TMEM87B: variants seen among roughly 807,000 people sequenced by gnomAD.
TMEM87B encodes transmembrane protein 87B.
Under a neutral mutation model 80.3 loss-of-function variants are expected in TMEM87B, and 83 were observed. That is an observed-to-expected ratio of 1.03 (90% CI 0.87 to 1.24). TMEM87B has a LOEUF of 1.24. TMEM87B is among the 50% of genes most tolerant of loss of function. The pLI is 0.00. For synonymous variants in TMEM87B, 219 were observed against 230.5 expected (o/e 0.95, Z 0.45); for missense variants, 625 against 674.4 (o/e 0.93, Z 0.81).
In TMEM87B at chr2:112,079,926, C is replaced by CTTTT. The variant is rs61341379; in HGVS notation, c.593-1113_593-1110dup. On this transcript the variant is annotated intron_variant, in intron 6 of 18. Transcript: ENST00000283206. ...TTTGAGAAACATCTAGGTCCCTTGC[C>CTTTT]TTTTTTTTTTTTTTTTTTTTTGAGA... Among the ~76,000 whole-genome samples, 389 of 84,002 alleles carry CTTTT rather than the reference C, an allele frequency of 4.6e-3. 12 individuals carry two copies. Among genetic ancestry groups the CTTTT allele is most frequent in the East Asian group, 0.022 (53 of 2,438 alleles). The allele number at this position is 84,002 out of a possible 152,430, so 55.1% of individuals were successfully genotyped here.
Position 112,066,951 on chromosome 2 carries a change from C to T in TMEM87B, c.334C>T (p.His112Tyr). Reference protein sequence around the residue: ...HSNLEELFQKHKLSVDEDFCH... With the variant: ...HSNLEELFQKYKLSVDEDFCH... ...CCTTATATAGGAGCTGTTCCAAAAA[C>T]ATAAACTTAGTGTTGATGAAGACTT... The change falls in exon 4 of 19, where the codon CAT becomes TAT. Residue 112 changes from histidine (H) to tyrosine (Y), a missense_variant. Coordinates refer to ENST00000283206, the MANE Select transcript of TMEM87B (RefSeq NM_032824.3). 2.5e-6 allele frequency: 4 copies of T among 1,604,406 alleles called. No individual in the cohort carries two copies. The highest frequency in any genetic ancestry group is 2.5e-6 in the Non-Finnish European group (3 of 1,176,984).
chr2:112,069,034 T>C (rs1335913121), intron 4 of TMEM87B, among the ~76,000 whole-genome samples: 1 of 149,618 alleles, frequency 6.7e-6, no homozygotes, highest in Non-Finnish European at 1.5e-5. Flanking sequence ...CTACTAAAAA[T>C]ACAAAAAATT....
chr2:112,075,014 C>T, intron 5 of TMEM87B, 52 bp downstream of exon 5: 2 of 1,552,386 alleles, frequency 1.3e-6, no homozygotes, highest in Non-Finnish European at 1.7e-6. Context: ...TAACGTAAGA[C>T]TGAAAAAAGT....
At chr2:112,080,998 C>T in intron 6 of TMEM87B, 59 bp from the exon 7 acceptor site, 2 of 1,485,552 alleles carry the variant, frequency 1.3e-6, no homozygotes, top group East Asian at 2.3e-5. Context: ...GGGAAATGAA[C>T]TTACATTTAA....
At position 112,096,420 on chromosome 2, in the gene TMEM87B, C is replaced by G. The variant is rs1442437935; in HGVS notation, c.1105-624C>G. 2.6e-5 allele frequency among the ~76,000 whole-genome samples: 4 copies of G among 152,286 alleles called. No individual in the cohort carries two copies. The East Asian group carries it at 7.7e-4, about 29-fold the overall frequency. On this transcript the variant is annotated intron_variant, in intron 11 of 18. Coordinates refer to ENST00000283206, the MANE Select transcript of TMEM87B (RefSeq NM_032824.3). ...TGCTCTATAAAAGAAAAACCCTTTT[C>G]TGCCTGACCTCTGAGACTCTTGCAG...
intron 2 of TMEM87B, among the ~76,000 whole-genome samples, chr2:112,060,988 C>T (rs1678242276): frequency 6.6e-6 from 1 of 152,114 alleles, no homozygotes; most frequent in Non-Finnish European, 1.5e-5. Flanking sequence ...AGATAAATTG[C>T]TTTTACGAAT....
chr2:112,055,628 C>T lies in TMEM87B; in HGVS notation c.37C>T (p.Pro13Ser), dbSNP rs1462457870. 2 of 1,546,606 alleles carry T rather than the reference C, an allele frequency of 1.3e-6. No homozygotes were observed. Among genetic ancestry groups the T allele is most frequent in the Admixed American group, 1.9e-5 (1 of 51,554 alleles). The change falls in exon 1 of 19, where the codon CCA becomes TCA. Residue 13 changes from proline to serine, a missense_variant. Transcript: ENST00000283206. ...CTGCCGCTCGGTAGCCGGGCTCCTG[C>T]CACGCCGCCGCCGCTGCTTTCCCGC... Reference protein sequence around the residue: ...AACRSVAGLLPRRRRCFPARA... With the variant: ...AACRSVAGLLSRRRRCFPARA...
Position 112,086,026 on chromosome 2 carries a change from C to G in TMEM87B, c.860C>G (p.Ala287Gly). ...GLSTQGLLIF[A>G]ELISAIKRTL... ...TCAGCCCAAGGCTTATTGATATTTGCGGAGTTGATTTCTGCGATTAAGAGG... is the reference window on the plus strand; with the variant it reads ...TCAGCCCAAGGCTTATTGATATTTGGGGAGTTGATTTCTGCGATTAAGAGG... The change falls in exon 9 of 19, where the codon GCG (alanine) becomes GGG (glycine). Residue 287 changes from alanine (A) to glycine (G), a missense_variant. Physicochemically the swap from Ala to Gly is moderately conservative, Grantham distance 60 (BLOSUM62 0). Coordinates refer to ENST00000283206, the MANE Select transcript of TMEM87B (RefSeq NM_032824.3). 6.2e-7 allele frequency: 1 copy of G among 1,613,964 alleles called. No individual in the cohort carries two copies. Among genetic ancestry groups the G allele is most frequent in the Non-Finnish European group, 8.5e-7 (1 of 1,179,938 alleles).
chr2:112,089,977 A>C (rs1014549075), intron 10 of TMEM87B, among the ~76,000 whole-genome samples: 2 of 152,254 alleles, frequency 1.3e-5, no homozygotes, highest in Non-Finnish European at 2.9e-5. Flanking sequence ...AGAAAGGTTC[A>C]TGGTTGTTCT....
At chr2:112,063,915 G>A (rs1169755508) in intron 2 of TMEM87B, among the ~76,000 whole-genome samples, 2 of 152,150 alleles carry the variant, frequency 1.3e-5, no homozygotes, top group Admixed American at 1.3e-4. Context: ...AGCATATCAG[G>A]CCACTCAGTT....
chr2:112,100,777 A>C, intron 15 of TMEM87B, 82 bp downstream of exon 15: 2 of 787,444 alleles, frequency 2.5e-6, no homozygotes, highest in Middle Eastern at 2.5e-4. Flanking sequence ...ATGCAAGGTC[A>C]CATATATTGT....
intron 4 of TMEM87B, among the ~76,000 whole-genome samples, chr2:112,073,084 G>A (rs1018592372): frequency 6.6e-6 from 1 of 151,840 alleles, no homozygotes; most frequent in African/African-American, 2.4e-5. Context: ...ATTTTTAGTA[G>A]AGATGAGGTT....
intron 3 of TMEM87B, among the ~76,000 whole-genome samples, chr2:112,064,504 C>T (rs996097004): frequency 3.3e-5 from 5 of 152,032 alleles, no homozygotes; most frequent in African/African-American, 7.2e-5. Context: ...TTGATAAAGA[C>T]GCATACATAC....
chr2:112,076,198 G>C lies in TMEM87B; in HGVS notation c.502-994G>C, dbSNP rs180810273. 1.1e-3 allele frequency among the ~76,000 whole-genome samples: 165 copies of C among 152,182 alleles called. 1 individual carries two copies. Among genetic ancestry groups the C allele is most frequent in the Non-Finnish European group, 3.4e-4 (23 of 68,016 alleles). On this transcript the variant is annotated intron_variant, in intron 5 of 18. Transcript: ENST00000283206. The stretch of plus-strand genomic sequence containing the variant: ...ACCCAGGAGGCTGAGGTTGCAGTGA[G>C]ACAAGATCGCACCATTGCACTTCAG...
Position 112,091,794 on chromosome 2 carries a change from C to CT in TMEM87B, c.1104+12dup, listed in dbSNP as rs1325430227. The CT allele has an allele frequency of 1.3e-6, 2 of 1,579,552 alleles. No individual in the cohort carries two copies. Among genetic ancestry groups the CT allele is most frequent in the South Asian group, 2.3e-5 (2 of 87,808 alleles). ...ATTTTTGTGTGGTTCATATCCTTTA[C>CT]TGTGTCCTTCAAAATAGTTTGTTGT... On this transcript the variant is annotated intron_variant, in intron 11 of 18. Coordinates refer to ENST00000283206, the MANE Select transcript of TMEM87B (RefSeq NM_032824.3).
chr2:112,087,558 G>A (rs1017430448), intron 9 of TMEM87B, among the ~76,000 whole-genome samples: 3 of 151,696 alleles, frequency 2.0e-5, no homozygotes, highest in Non-Finnish European at 2.9e-5. Flanking sequence ...TGATAGTCAC[G>A]GGCCACCCCT....
At chr2:112,113,520 G>C (rs1679977412) in intron 18 of TMEM87B, among the ~76,000 whole-genome samples, 1 of 152,244 alleles carries the variant, frequency 6.6e-6, no homozygotes, top group Non-Finnish European at 1.5e-5. Flanking sequence ...TACGTTGAAA[G>C]AGAAGGAAAT....
At chr2:112,072,226 A>G (rs921589895) in intron 4 of TMEM87B, among the ~76,000 whole-genome samples, 1 of 152,190 alleles carries the variant, frequency 6.6e-6, no homozygotes, top group Admixed American at 6.5e-5. Context: ...CATCAAAGAT[A>G]TTGGCCTGAA....
chr2:112,088,963 G>A (rs989303676), intron 9 of TMEM87B, among the ~76,000 whole-genome samples: 2 of 152,086 alleles, frequency 1.3e-5, no homozygotes, highest in East Asian at 1.9e-4. Flanking sequence ...GTTTCACCAC[G>A]TTGGCCAGTT....
Sources: gnomAD v4.1 joint callset for allele counts (sites outside exome capture counted in the v4.1 genomes callset) on GRCh38, gnomAD v4.1.1 for gene constraint, MANE v1.5 for transcripts, NCBI Gene and HGNC (gene_info 2026-07-23, HGNC 2026-07-21) for gene names.